The following BLOC1S6 variants were observed in gnomAD, a reference collection of about 807,000 sequenced individuals.
The protein encoded by BLOC1S6 is biogenesis of lysosomal organelles complex 1 subunit 6, also known as biogenesis of lysosome-related organelles complex 1 subunit 6.
A neutral mutation model predicts 24.7 loss-of-function variants in BLOC1S6; 24 were observed. The observed-to-expected ratio is 0.97, with a 90% CI of 0.70 to 1.37. The LOEUF is 1.37. Ranked by LOEUF, BLOC1S6 falls within the 40% of genes most tolerant of loss-of-function variation. The probability of loss-of-function intolerance (pLI) is 0.00; values close to 1 mark genes in which losing one functional copy is unlikely to be tolerated. For synonymous variants in BLOC1S6, 76 were observed against 72.6 expected, an observed-to-expected ratio of 1.05 and a Z score of -0.23; for missense variants, 175 against 196.2, an observed-to-expected ratio of 0.89 and a Z score of 0.64.
intron 1 of BLOC1S6, 31 bp downstream of exon 1, chr15:45,587,556 G>C (rs750153778): frequency 6.5e-7 from 1 of 1,545,764 alleles, no homozygotes; most frequent in South Asian, 1.2e-5. Context: ...AGCGCGGCCC[G>C]GGCTGGGTGT....
At chr15:45,588,234 C>A (rs551197774) in intron 1 of BLOC1S6, among the ~76,000 whole-genome samples, 6 of 152,238 alleles carry the variant, frequency 3.9e-5, no homozygotes. Context: ...CAGCACTTTC[C>A]TGTTCATGCT....
At chr15:45,588,044 A>G (rs1218857473) in intron 1 of BLOC1S6, among the ~76,000 whole-genome samples, 2 of 152,238 alleles carry the variant, frequency 1.3e-5, no homozygotes, top group African/African-American at 2.4e-5. Context: ...CTGTGCACCC[A>G]AAATGGTACT....
chr15:45,591,894 G>A, intron 1 of BLOC1S6: 1 of 503,898 alleles, frequency 2.0e-6, no homozygotes, highest in South Asian at 2.3e-5. Flanking sequence ...TTGGGAGACT[G>A]TGTGTGTGCC....
At chr15:45,595,685 C>T (rs923429162) in intron 2 of BLOC1S6, among the ~76,000 whole-genome samples, 1 of 151,718 alleles carries the variant, frequency 6.6e-6, no homozygotes, top group South Asian at 2.1e-4. Context: ...ATGAATTGTG[C>T]TTTTGGTAGT....
intron 4 of BLOC1S6, 40 bp downstream of exon 4, chr15:45,605,554 G>A (rs1313184440): frequency 7.3e-7 from 1 of 1,362,462 alleles, no homozygotes; most frequent in Non-Finnish European, 1.0e-6. Context: ...CAAAAGTAGA[G>A]GTTTAATTGT....
At chr15:45,595,355 T>C (rs759076870) in intron 2 of BLOC1S6, among the ~76,000 whole-genome samples, 3 of 152,230 alleles carry the variant, frequency 2.0e-5, no homozygotes, top group Non-Finnish European at 4.4e-5. Context: ...AAGACACTTC[T>C]GTCACTTGGA....
At chr15:45,595,480 G>GT (rs1894038731) in intron 2 of BLOC1S6, among the ~76,000 whole-genome samples, 2 of 151,970 alleles carry the variant, frequency 1.3e-5, no homozygotes, top group African/African-American at 4.8e-5. Context: ...AAATTGGATT[G>GT]TTTTTCTTAT....
chr15:45,596,761 C>T (rs1159811852), intron 2 of BLOC1S6, among the ~76,000 whole-genome samples: 1 of 152,014 alleles, frequency 6.6e-6, no homozygotes, highest in African/African-American at 2.4e-5. Flanking sequence ...TCACTGCAAC[C>T]TCTGCCTCTC....
chr15:45,603,390 G>T (rs1240027151), intron 3 of BLOC1S6, among the ~76,000 whole-genome samples: 1 of 152,172 alleles, frequency 6.6e-6, no homozygotes, highest in Non-Finnish European at 1.5e-5. Context: ...ATTTGGAATA[G>T]ATCTGCTTAT....
intron 2 of BLOC1S6, among the ~76,000 whole-genome samples, chr15:45,595,269 T>G (rs1258883757): frequency 6.6e-6 from 1 of 152,206 alleles, no homozygotes; most frequent in African/African-American, 2.4e-5. Context: ...CCTCCCATCT[T>G]GAAGCTCTAG....
rs1362390460 is a variant in BLOC1S6 at position 45,609,596 on chromosome 15, TGGGTGATACA to T, written c.*3084_*3093del. 2.0e-5 allele frequency: 3 copies of T among 152,216 alleles called. No homozygotes were observed. In the East Asian group the frequency reaches 5.8e-4, roughly 29 times the overall value. The allele number at this position is 152,216 out of a possible 1,614,324, so 9.4% of individuals were successfully genotyped here. ...ATAGATTGTGTCCTCATTGAGTTTT[TGGGTGATACA>T]GTTTATAAATATAACAATTATACAC... On this transcript the variant is annotated 3_prime_UTR_variant, in exon 5 of 5. Transcript: ENST00000220531.
chr15:45,590,530 C>T (rs1033987401), intron 1 of BLOC1S6, among the ~76,000 whole-genome samples: 1 of 151,372 alleles, frequency 6.6e-6, no homozygotes, highest in African/African-American at 2.4e-5. Flanking sequence ...GTCTTAGCTT[C>T]TCGAGTAGCT....
At chr15:45,589,547 T>C (rs1422491312) in intron 1 of BLOC1S6, among the ~76,000 whole-genome samples, 1 of 152,246 alleles carries the variant, frequency 6.6e-6, no homozygotes, top group African/African-American at 2.4e-5. Flanking sequence ...CTCCCCTGAA[T>C]TTCCATAACA....
intron 2 of BLOC1S6, chr15:45,601,270 G>C (rs1234471490): frequency 6.5e-6 from 1 of 154,360 alleles, no homozygotes; most frequent in Non-Finnish European, 1.5e-5. Context: ...TAAAACTGAA[G>C]AAAGCAAAAC....
intron 4 of BLOC1S6, 88 bp from the exon 5 acceptor site, chr15:45,606,307 T>C: frequency 6.5e-7 from 1 of 1,541,764 alleles, no homozygotes; most frequent in East Asian, 2.2e-5. Flanking sequence ...ATGAATTACC[T>C]CAAAGCAGAG....
intron 2 of BLOC1S6, among the ~76,000 whole-genome samples, chr15:45,601,935 C>T (rs1212189822): frequency 2.0e-5 from 3 of 152,064 alleles, no homozygotes; most frequent in Non-Finnish European, 1.5e-5. Context: ...GGCTGTAGTA[C>T]AGTGGTGTGA....
chr15:45,599,898 A>G (rs1894208467), intron 2 of BLOC1S6, among the ~76,000 whole-genome samples: 1 of 145,292 alleles, frequency 6.9e-6, no homozygotes, highest in Non-Finnish European at 1.5e-5. Flanking sequence ...TTATTGCAGC[A>G]TTATTCACAA....
intron 2 of BLOC1S6, among the ~76,000 whole-genome samples, chr15:45,602,628 G>A (rs7342662): frequency 0.095 from 14,506 of 152,162 alleles, 2,371 homozygotes; most frequent in African/African-American, 0.33. Context: ...TTCCAGTCCT[G>A]TGCTTTTTTC....
At chr15:45,600,906 A>G (rs1399199608) in intron 2 of BLOC1S6, among the ~76,000 whole-genome samples, 1 of 152,162 alleles carries the variant, frequency 6.6e-6, no homozygotes, top group African/African-American at 2.4e-5. Flanking sequence ...AGTGGATACA[A>G]TATTTTAAAT....
Sources: gnomAD v4.1 joint callset for allele counts (sites outside exome capture counted in the v4.1 genomes callset) on GRCh38, gnomAD v4.1.1 for gene constraint, MANE v1.5 for transcripts, NCBI Gene and HGNC (gene_info 2026-07-23, HGNC 2026-07-21) for gene names.